ITGAE: variants seen among roughly 807,000 people sequenced by gnomAD.
The protein encoded by ITGAE is integrin alpha-E.
Under a neutral mutation model 136.5 loss-of-function variants are expected in ITGAE, and 99 were observed. The observed-to-expected ratio is 0.73, with a 90% CI of 0.62 to 0.86. The LOEUF (loss-of-function observed/expected upper bound fraction) is 0.86. Ranked by LOEUF, ITGAE falls within the 40% of genes least tolerant of loss-of-function variation. The pLI is 0.00. For missense variants in ITGAE, 1,447 were observed against 1,515.3 expected, an observed-to-expected ratio of 0.95 and a Z score of 0.75; for synonymous variants, 613 against 591.8, an observed-to-expected ratio of 1.04 and a Z score of -0.52.
At chr17:3,724,719 G>C in intron 26 of ITGAE, 2 of 1,614,262 alleles carry the variant, frequency 1.2e-6, no homozygotes, top group Non-Finnish European at 1.7e-6. Context: ...GTTTCGGGCA[G>C]ATGGGAAGAA....
intron 2 of ITGAE, among the ~76,000 whole-genome samples, chr17:3,771,606 T>A (rs1376356323): frequency 6.8e-6 from 1 of 147,766 alleles, no homozygotes; most frequent in African/African-American, 2.5e-5. Flanking sequence ...AATGCTGCGG[T>A]CTTGGCTCAC....
Position 3,801,124 on chromosome 17 carries a change from C to G in ITGAE, c.21G>C (p.Leu7=). 1 of 1,612,508 alleles carries G rather than the reference C, an allele frequency of 6.2e-7. No homozygotes were observed. Among genetic ancestry groups the G allele is most frequent in the Non-Finnish European group, 8.5e-7 (1 of 1,180,012 alleles). The part of the protein sequence containing the change: MWLFHT[L]LCIASLALLA... ...GAGAGGACTTACTGGCTATGCAGAG[C>G]AGAGTGTGGAAGAGCCACATCCTTG... The change falls in exon 1 of 31, where the codon CTG becomes CTC. Residue 7 remains leucine, a synonymous_variant. Transcript: ENST00000263087.
chr17:3,794,054 T>C (rs371794687), intron 1 of ITGAE, among the ~76,000 whole-genome samples: 1 of 149,710 alleles, frequency 6.7e-6, no homozygotes, highest in Admixed American at 6.7e-5. Context: ...TCTCGGCTCA[T>C]TGCAACCTCC....
chr17:3,794,928 C>CG (rs903070906), intron 1 of ITGAE, among the ~76,000 whole-genome samples: 2 of 152,134 alleles, frequency 1.3e-5, no homozygotes, highest in African/African-American at 4.8e-5. Context: ...TCCGTGGCAC[C>CG]CCCCCGCTCT....
intron 28 of ITGAE, 89 bp downstream of exon 28, chr17:3,723,199 A>G: frequency 1.1e-6 from 1 of 912,216 alleles, no homozygotes; most frequent in Admixed American, 1.8e-5. Flanking sequence ...GGACATGGAC[A>G]TGTTATGCAA....
chr17:3,777,127 AT>A (rs1177275980), intron 2 of ITGAE, among the ~76,000 whole-genome samples: 1 of 151,590 alleles, frequency 6.6e-6, no homozygotes, highest in African/African-American at 2.4e-5. Context: ...CGCCTGGCTA[AT>A]TTTTTCTATT....
Position 3,731,127 on chromosome 17 carries a change from T to C in ITGAE, c.2811A>G (p.Ala937=), listed in dbSNP as rs1271445467. ...LEENAFPNRT[A]DITVTVTNSN... is the part of the protein sequence containing the mutation. The stretch of plus-strand genomic sequence containing the variant: ...ACTTGGTGACAGTCACAGTGATGTC[T>C]GCTGTCCTGTTTGGAAAGGCATTCT... The change falls in exon 23 of 31, where the codon GCA becomes GCG. Residue 937 remains alanine, a synonymous_variant. Transcript: ENST00000263087. The C allele has an allele frequency of 1.2e-6, 2 of 1,613,532 alleles. No homozygotes were observed. The highest frequency in any genetic ancestry group is 1.7e-5 in the Admixed American group (1 of 59,956).
At chr17:3,753,678 G>A in intron 13 of ITGAE, 105 bp downstream of exon 13, 1 of 1,421,198 alleles carries the variant, frequency 7.0e-7, no homozygotes, top group Non-Finnish European at 9.5e-7. Flanking sequence ...GTTTCACCCA[G>A]CCCGGGCCCT....
In ITGAE at chr17:3,750,498, C is replaced by A; in HGVS notation, c.1894-16G>T. The A allele has an allele frequency of 6.2e-7, 1 of 1,613,876 alleles. No individual in the cohort carries two copies. The highest frequency in any genetic ancestry group is 8.5e-7 in the Non-Finnish European group (1 of 1,179,932). The stretch of plus-strand genomic sequence containing the variant: ...CTCTGATCCGCTGTGGAGGCAGAAA[C>A]ACAAGGCGTGGGGCGAGGGAAGGGA... On this transcript the variant is annotated splice_polypyrimidine_tract_variant and intron_variant, in intron 15 of 30. Transcript: ENST00000263087.
chr17:3,725,473 T>C lies in ITGAE; in HGVS notation c.3085-1729A>G, dbSNP rs751063952. On this transcript the variant is annotated intron_variant, in intron 26 of 30. Coordinates refer to ENST00000263087, the MANE Select transcript of ITGAE (RefSeq NM_002208.5). ...CACACACCCGTAGCCATAAAAATCA[T>C]TGCTATTGAAGGACCAGATTTAGTC... is the stretch of plus-strand genomic sequence containing the variant. 1.1e-5 allele frequency: 17 copies of C among 1,614,166 alleles called. No individual in the cohort carries two copies. In the Middle Eastern group the frequency reaches 4.9e-4, roughly 47 times the overall value.
chr17:3,747,085 G>A (rs1252102311), intron 17 of ITGAE, among the ~76,000 whole-genome samples: 2 of 152,210 alleles, frequency 1.3e-5, no homozygotes, highest in Non-Finnish European at 2.9e-5. Context: ...AAATACCTGG[G>A]CTGTGAAAGC....
chr17:3,716,846 G>T, intron 29 of ITGAE, 48 bp from the exon 30 acceptor site: 2 of 1,026,014 alleles, frequency 1.9e-6, no homozygotes, highest in Non-Finnish European at 1.5e-6. Flanking sequence ...AAGCAAACAA[G>T]GAAAAAATCC....
chr17:3,751,769 G>C lies in ITGAE; in HGVS notation c.1774C>G (p.Leu592Val). Residue 592 changes from leucine (L) to valine (V), a missense_variant, in exon 15 of 31, where the codon CTC (leucine) becomes GTC (valine). By Grantham distance (32) the Leu-to-Val change is conservative. Transcript: ENST00000263087. ...AAMGDLSQDKLTDVAIGAPLE... is the reference protein window; with the variant it reads ...AAMGDLSQDKVTDVAIGAPLE... The stretch of plus-strand genomic sequence containing the variant: ...GGGGCCCCGATGGCCACATCTGTGA[G>C]CTTATCCTGACTGAGATCCCCCATA... 1 of 1,614,112 alleles carries C rather than the reference G, an allele frequency of 6.2e-7. No individual in the cohort carries two copies.
At position 3,726,949 on chromosome 17, in the gene ITGAE, C is replaced by T. The variant is rs529204932; in HGVS notation, c.3084+970G>A. Among the ~76,000 whole-genome samples the T allele has an allele frequency of 1.9e-3, 284 of 151,978 alleles. 1 individual carries two copies. Among genetic ancestry groups the T allele is most frequent in the African/African-American group, 6.5e-3 (271 of 41,484 alleles). On this transcript the variant is annotated intron_variant, in intron 26 of 30. Transcript: ENST00000263087. ...TTCACCATGTTGGCCAGGCTGGTCTCGAACTCCTCACCTTGTGATCCACCC... is the reference window on the plus strand; with the variant it reads ...TTCACCATGTTGGCCAGGCTGGTCTTGAACTCCTCACCTTGTGATCCACCC...
rs919201284 is a variant in ITGAE, at chr17:3,750,245, G to A, written c.2024+107C>T. 49 of 1,466,924 alleles carry A rather than the reference G, an allele frequency of 3.3e-5. No individual in the cohort carries two copies. The African/African-American group carries it at 4.5e-4, about 13-fold the overall frequency. The allele number at this position is 1,466,924 out of a possible 1,614,324, so 90.9% of individuals were successfully genotyped here. A position where few individuals can be genotyped will look rare whatever the true frequency, so the allele number is the denominator to read the frequency against. On this transcript the variant is annotated intron_variant, in intron 16 of 30. Transcript: ENST00000263087. ...CTCCAGAGCCTGTGCCCACAACCAC[G>A]GTGCTGGCTCCCTCCCTCAGTGCCT...
At chr17:3,756,958 G>A (rs373136824) in intron 10 of ITGAE, 26 bp downstream of exon 10, 23 of 1,596,598 alleles carry the variant, frequency 1.4e-5, no homozygotes, top group Admixed American at 1.4e-4. Context: ...GGCCTCCTGC[G>A]GTGGCCTGGG....
intron 2 of ITGAE, among the ~76,000 whole-genome samples, chr17:3,765,288 G>T (rs1045441088): frequency 2.1e-5 from 3 of 141,576 alleles, no homozygotes; most frequent in African/African-American, 8.0e-5. Context: ...GGCAGAGGTT[G>T]CAGTGAGCCG....
intron 2 of ITGAE, among the ~76,000 whole-genome samples, chr17:3,767,022 T>G (rs567505744): frequency 6.6e-6 from 1 of 151,600 alleles, no homozygotes; most frequent in Non-Finnish European, 1.5e-5. Context: ...GCATCCTCAC[T>G]TCGTCGTGTT....
chr17:3,728,653 G>A (rs528743148), intron 24 of ITGAE, among the ~76,000 whole-genome samples: 11 of 150,152 alleles, frequency 7.3e-5, no homozygotes, highest in South Asian at 4.2e-4. Context: ...GATGACAGGC[G>A]TGAGCCACCG....
Sources: gnomAD v4.1 joint callset for allele counts (sites outside exome capture counted in the v4.1 genomes callset) on GRCh38, gnomAD v4.1.1 for gene constraint, MANE v1.5 for transcripts, NCBI Gene and HGNC (gene_info 2026-07-23, HGNC 2026-07-21) for gene names.